AHRR: variants seen among roughly 807,000 people sequenced by gnomAD.
AHRR encodes the protein aryl hydrocarbon receptor repressor.
Under a neutral mutation model 44.0 loss-of-function variants are expected in AHRR, and 28 were observed. The observed-to-expected ratio is 0.64, with a 90% CI of 0.47 to 0.87. The LOEUF is 0.87. AHRR is among the 40% of genes least tolerant of loss of function. AHRR has a pLI of 0.00. For synonymous variants in AHRR, 434 were observed against 407.0 expected (o/e 1.07, Z -0.80); for missense variants, 990 against 953.9 (o/e 1.04, Z -0.50).
Position 398,427 on chromosome 5 carries a change from A to G in AHRR, c.352-14917A>G, listed in dbSNP as rs924627521. ...TGTCCACCTTAGCCCCTGACCATCC[A>G]CATAAGCCCCTGACTGTCCAGTTAG... is the stretch of plus-strand genomic sequence containing the variant. On this transcript the variant is annotated intron_variant, in intron 4 of 10. Transcript: ENST00000684583. Among the ~76,000 whole-genome samples the G allele has an allele frequency of 2.0e-5, 3 of 152,210 alleles. No homozygotes were observed. The South Asian group carries it at 6.2e-4, about 32-fold the overall frequency.
chr5:421,016 G>A lies in AHRR; in HGVS notation c.442-1713G>A, dbSNP rs564498068. 3.4e-4 allele frequency: 166 copies of A among 492,690 alleles called. No homozygotes were observed. The South Asian group carries it at 3.7e-3, about 11-fold the overall frequency. 30.5% of individuals were successfully genotyped at this position (492,690 alleles called of 1,614,324 possible). A position where few individuals can be genotyped will look rare whatever the true frequency, so the allele number is the denominator to read the frequency against. ...TGGTTCTTCTTATGGTTCAGGAGGT[G>A]GAAAGTTGAAACCATAGCAAGAAAC... On this transcript the variant is annotated intron_variant, in intron 5 of 10. Coordinates refer to ENST00000684583, the MANE Select transcript of AHRR (RefSeq NM_001377236.1).
Position 434,122 on chromosome 5 carries a change from C to G in AHRR, c.1382C>G (p.Ser461Cys). 6.2e-7 allele frequency: 1 copy of G among 1,612,552 alleles called. No homozygotes were observed. The highest frequency in any genetic ancestry group is 8.5e-7 in the Non-Finnish European group (1 of 1,179,734). The change falls in exon 11 of 11, where the codon TCC becomes TGC. Residue 461 changes from serine to cysteine, a missense_variant. Ser to Cys is a moderately radical substitution (Grantham distance 112, BLOSUM62 -1). Transcript: ENST00000684583. Reference protein sequence around the residue: ...HPPSPSPSAYSSRTSRPMRDV... With the variant: ...HPPSPSPSAYCSRTSRPMRDV... ...CCGAGCCCGTCCCCCAGTGCCTACT[C>G]CAGCCGGACCAGCAGACCCATGCGG...
chr5:326,304 T>C lies in AHRR; in HGVS notation c.-11+4485T>C, dbSNP rs182686329. ...CCACCACGAACCTTTTTATCTGAGT[T>C]TGCCTACTCAGGATATATCATGCAA... On this transcript the variant is annotated intron_variant, in intron 1 of 10. Transcript: ENST00000684583. The surrounding 1 kb of genome is among the most constrained non-coding windows in gnomAD (Gnocchi z 4.1). Among the ~76,000 whole-genome samples, 924 of 152,344 alleles carry C rather than the reference T, an allele frequency of 6.1e-3. 7 individuals carry two copies. The highest frequency in any genetic ancestry group is 9.0e-3 in the Non-Finnish European group (611 of 68,036).
At chr5:355,267 G>T (rs144333516) in intron 3 of AHRR, among the ~76,000 whole-genome samples, 2 of 151,928 alleles carry the variant, frequency 1.3e-5, no homozygotes, top group African/African-American at 2.4e-5. Flanking sequence ...GGTGTGGTCT[G>T]GTGTGGTGGA....
In AHRR at chr5:381,825, G is replaced by T. The variant is rs137892483; in HGVS notation, c.351+5109G>T. Among the ~76,000 whole-genome samples, 511 of 150,636 alleles carry T rather than the reference G, an allele frequency of 3.4e-3. 3 individuals are homozygous for T. The highest frequency in any genetic ancestry group is 0.012 in the African/African-American group (495 of 41,084). ...CACCGTACCCAGCCTGCTTTTTTTT[G>T]TTTGTTTTGTAAATGCCTCATATCA... On this transcript the variant is annotated intron_variant, in intron 4 of 10. Transcript: ENST00000684583.
Position 427,942 on chromosome 5 carries a change from A to G in AHRR, c.844A>G (p.Lys282Glu), listed in dbSNP as rs1382506741. The G allele has an allele frequency of 6.2e-6, 10 of 1,614,044 alleles. No homozygotes were observed. The East Asian group carries it at 2.2e-4, about 36-fold the overall frequency. Residue 282 changes from lysine to glutamate, a missense_variant, in exon 8 of 11, where the codon AAA becomes GAA. Coordinates refer to ENST00000684583, the MANE Select transcript of AHRR (RefSeq NM_001377236.1). ...PVLLPSAAEM[K>E]MRSALLRAKP... ...TCTCCTCCCCTCCGCAGCGGAGATG[A>G]AAATGAGGAGCGCGCTCCTGAGGGC...
At chr5:403,139 G>A (rs956596008) in intron 4 of AHRR, among the ~76,000 whole-genome samples, 12 of 152,232 alleles carry the variant, frequency 7.9e-5, no homozygotes, top group African/African-American at 2.4e-4. Flanking sequence ...TGCTTGATTC[G>A]CTCAGATGAG....
chr5:355,345 T>A (rs982452962), intron 3 of AHRR, among the ~76,000 whole-genome samples: 1 of 152,084 alleles, frequency 6.6e-6, no homozygotes, highest in Non-Finnish European at 1.5e-5. Context: ...CTCCCAGGTT[T>A]GCCTTCTGGG....
intron 4 of AHRR, among the ~76,000 whole-genome samples, chr5:396,627 C>T (rs973854603): frequency 2.6e-5 from 4 of 152,172 alleles, no homozygotes; most frequent in Non-Finnish European, 5.9e-5. Flanking sequence ...CCTGCTGTTC[C>T]GAAACTCCTT....
chr5:322,459 TC>T (rs1741529371), intron 1 of AHRR: 1 of 151,992 alleles, frequency 6.6e-6, no homozygotes, highest in Non-Finnish European at 1.5e-5. Flanking sequence ...CACGGGCCTG[TC>T]CGGCTGTGGC....
In AHRR at chr5:395,584, G is replaced by A. The variant is rs1476361467; in HGVS notation, c.352-17760G>A. On this transcript the variant is annotated intron_variant, in intron 4 of 10. Coordinates refer to ENST00000684583, the MANE Select transcript of AHRR (RefSeq NM_001377236.1). This position sits in a 1 kb window ranked among gnomAD's most constrained non-coding sequence, Gnocchi z 5.3. ...AGCCGAGCAGGGCCTCACAAAAACA[G>A]CTGTGAGAACAGCCTTGCGTGTCTG... Among the ~76,000 whole-genome samples the A allele has an allele frequency of 8.5e-5, 13 of 152,358 alleles. No individual in the cohort carries two copies. The East Asian group carries it at 2.3e-3, about 27-fold the overall frequency.
At chr5:371,762 A>G (rs1283487557) in intron 3 of AHRR, among the ~76,000 whole-genome samples, 3 of 152,330 alleles carry the variant, frequency 2.0e-5, no homozygotes, top group East Asian at 3.9e-4. Flanking sequence ...GCAGACTGCC[A>G]GACAGCTTTA....
intron 4 of AHRR, among the ~76,000 whole-genome samples, chr5:389,141 C>T (rs144236002): frequency 7.7e-4 from 109 of 140,736 alleles, no homozygotes; most frequent in Non-Finnish European, 1.3e-3. Context: ...GCCATGCTGA[C>T]GATGCCCTGG....
chr5:432,340 C>A (rs1488690835), intron 8 of AHRR, 123 bp from the exon 9 acceptor site: 2 of 878,882 alleles, frequency 2.3e-6, no homozygotes, highest in Non-Finnish European at 3.7e-6. Flanking sequence ...TTGTTTCTGT[C>A]TTCACTGCTC....
chr5:344,187 C>T (rs895768711), intron 2 of AHRR, among the ~76,000 whole-genome samples: 1 of 151,024 alleles, frequency 6.6e-6, no homozygotes, highest in Non-Finnish European at 1.5e-5. Flanking sequence ...GCCCTCGGGG[C>T]CCTGAGCGGT....
intron 1 of AHRR, 139 bp from the exon 2 acceptor site, chr5:343,754 G>A (rs1742452678): frequency 1.3e-6 from 1 of 788,070 alleles, no homozygotes; most frequent in Non-Finnish European, 1.9e-6. Context: ...GGGGTCCCAC[G>A]AGGAGGAGCA....
intron 4 of AHRR, among the ~76,000 whole-genome samples, chr5:393,635 GTTTTCTTT>G (rs72326664): frequency 0.09 from 13,524 of 150,892 alleles, 1,911 homozygotes; most frequent in African/African-American, 0.31. Context: ...TGTTTTATTT[GTTTTCTTT>G]GGTTTTTTTT....
chr5:379,034 C>G (rs1049874890), intron 4 of AHRR, among the ~76,000 whole-genome samples: 2 of 152,244 alleles, frequency 1.3e-5, no homozygotes, highest in African/African-American at 4.8e-5. Flanking sequence ...TCCTCTGCTG[C>G]TGTTTGCAGT....
At chr5:390,444 A>G (rs900674641) in intron 4 of AHRR, among the ~76,000 whole-genome samples, 1 of 152,258 alleles carries the variant, frequency 6.6e-6, no homozygotes, top group Admixed American at 6.5e-5. Context: ...CAGTCGCTGC[A>G]GAAAGAAAAT....
Sources: gnomAD v4.1 joint callset for allele counts (sites outside exome capture counted in the v4.1 genomes callset) on GRCh38, gnomAD v4.1.1 for gene constraint, Gnocchi (gnomAD v3.1) non-coding constraint, MANE v1.5 for transcripts, NCBI Gene and HGNC (gene_info 2026-07-23, HGNC 2026-07-21) for gene names.